GTF2E2: variants seen among roughly 807,000 people sequenced by gnomAD.
GTF2E2 encodes the protein transcription initiation factor IIE subunit beta.
GTF2E2 carries 21 observed loss-of-function variants against 40.5 expected under a neutral mutation model. The observed-to-expected ratio is 0.52, with a 90% confidence interval of 0.37 to 0.75. The LOEUF is 0.75. GTF2E2 is among the 30% of genes least tolerant of loss of function. The pLI is 0.00. For missense variants in GTF2E2, 298 were observed against 338.4 expected (o/e 0.88, Z 0.94); for synonymous variants, 117 against 121.6 (o/e 0.96, Z 0.25).
At chr8:30,619,571 T>A (rs1199798479) in intron 3 of GTF2E2, among the ~76,000 whole-genome samples, 2 of 151,952 alleles carry the variant, frequency 1.3e-5, no homozygotes, top group East Asian at 3.9e-4. Flanking sequence ...GTATTTTTAG[T>A]AGAGACGGGG....
intron 3 of GTF2E2, 45 bp downstream of exon 3, chr8:30,634,987 C>A: frequency 9.3e-7 from 1 of 1,072,726 alleles, no homozygotes; most frequent in Non-Finnish European, 1.4e-6. Flanking sequence ...CCTTCTTTTG[C>A]CAAAAAGTTA....
chr8:30,618,638 C>A (rs907906423), intron 3 of GTF2E2, among the ~76,000 whole-genome samples: 13 of 152,110 alleles, frequency 8.5e-5, no homozygotes, highest in African/African-American at 3.1e-4. Flanking sequence ...TTACAAATTT[C>A]TCCTTACAAA....
At chr8:30,591,250 C>A (rs919278527) in intron 6 of GTF2E2, among the ~76,000 whole-genome samples, 3 of 152,140 alleles carry the variant, frequency 2.0e-5, no homozygotes, top group African/African-American at 7.2e-5. Context: ...CTTTGAAAGG[C>A]CACGGCAGGA....
At chr8:30,613,718 T>TA (rs1318200983) in intron 4 of GTF2E2, among the ~76,000 whole-genome samples, 1 of 152,176 alleles carries the variant, frequency 6.6e-6, no homozygotes, top group Non-Finnish European at 1.5e-5. Context: ...TTTTGCTTGG[T>TA]AAAAAAATAA....
chr8:30,631,885 ATC>A (rs1801446828), intron 3 of GTF2E2, among the ~76,000 whole-genome samples: 1 of 152,156 alleles, frequency 6.6e-6, no homozygotes, highest in Non-Finnish European at 1.5e-5. Flanking sequence ...CACTTGAGGG[ATC>A]CCCTGAGCCC....
intron 6 of GTF2E2, among the ~76,000 whole-genome samples, chr8:30,585,498 G>A (rs1049025670): frequency 6.6e-6 from 1 of 151,956 alleles, no homozygotes; most frequent in Non-Finnish European, 1.5e-5. Flanking sequence ...TAAATACATC[G>A]TAAAGATGTG....
chr8:30,586,668 G>A (rs1038778874), intron 6 of GTF2E2, among the ~76,000 whole-genome samples: 2 of 152,156 alleles, frequency 1.3e-5, no homozygotes, highest in South Asian at 2.1e-4. Flanking sequence ...AAAACAGCAT[G>A]GGACTGGCAT....
chr8:30,595,035 T>C (rs1028776289), intron 6 of GTF2E2, among the ~76,000 whole-genome samples: 1 of 152,218 alleles, frequency 6.6e-6, no homozygotes. Flanking sequence ...TGTCTCCGTG[T>C]TCATTTAGAT....
intron 2 of GTF2E2, among the ~76,000 whole-genome samples, chr8:30,635,537 C>T (rs1395471586): frequency 1.3e-5 from 2 of 152,054 alleles, no homozygotes; most frequent in East Asian, 3.9e-4. Flanking sequence ...TGCACACCAC[C>T]ATGCCTGGCT....
At chr8:30,614,742 A>C in intron 3 of GTF2E2, 27 bp from the exon 4 acceptor site, 1 of 1,333,430 alleles carries the variant, frequency 7.5e-7, no homozygotes, top group Non-Finnish European at 1.1e-6. Flanking sequence ...TTGTTATTAG[A>C]AGACAGTTTC....
chr8:30,634,715 T>C (rs193163631), intron 3 of GTF2E2, among the ~76,000 whole-genome samples: 404 of 152,292 alleles, frequency 2.7e-3, no homozygotes, highest in African/African-American at 9.3e-3. Context: ...CATCCTCCCA[T>C]TGGTTTTGCC....
intron 6 of GTF2E2, among the ~76,000 whole-genome samples, chr8:30,586,764 A>G (rs1469151288): frequency 6.6e-6 from 1 of 152,220 alleles, no homozygotes; most frequent in Non-Finnish European, 1.5e-5. Context: ...GGAAAAGGAC[A>G]GTCTCTTCAA....
intron 3 of GTF2E2, among the ~76,000 whole-genome samples, chr8:30,631,023 C>G (rs1386821759): frequency 4.6e-5 from 7 of 151,894 alleles, no homozygotes; most frequent in Non-Finnish European, 8.8e-5. Context: ...ATATTTTTTT[C>G]AAGAATTCTT....
At chr8:30,584,531 ACT>A (rs544091180) in intron 6 of GTF2E2, 3 of 152,242 alleles carry the variant, frequency 2.0e-5, no homozygotes, top group Admixed American at 2.0e-4. Flanking sequence ...TTAGAAATCT[ACT>A]CTCTTAGCAG....
rs1481661181 is a variant in GTF2E2, at chr8:30,597,221, G to A, written c.643+9836C>T. On this transcript the variant is annotated intron_variant, in intron 6 of 7. Coordinates refer to ENST00000355904, the MANE Select transcript of GTF2E2 (RefSeq NM_002095.6). ...CATATTCCTGTCCCTCGCCAAGGACGAAAGACTTTTTTTCTGTTCTCTTTC... is the reference window on the plus strand; with the variant it reads ...CATATTCCTGTCCCTCGCCAAGGACAAAAGACTTTTTTTCTGTTCTCTTTC... The A allele has an allele frequency of 3.9e-5, 6 of 152,344 alleles. No individual in the cohort carries two copies. The South Asian group carries it at 6.2e-4, about 16-fold the overall frequency. 9.4% of individuals were successfully genotyped at this position (152,344 alleles called of 1,614,324 possible).
chr8:30,651,971 G>A (rs972273457), intron 2 of GTF2E2, among the ~76,000 whole-genome samples: 2 of 152,102 alleles, frequency 1.3e-5, no homozygotes, highest in African/African-American at 2.4e-5. Flanking sequence ...TTCAACAGGG[G>A]AAAGATCATC....
intron 3 of GTF2E2, among the ~76,000 whole-genome samples, chr8:30,624,808 TTGTC>T (rs1231129966): frequency 1.3e-5 from 2 of 152,018 alleles, no homozygotes; most frequent in Non-Finnish European, 1.5e-5. Context: ...ATTTGGCTGT[TTGTC>T]TGTTACTGGT....
intron 3 of GTF2E2, among the ~76,000 whole-genome samples, chr8:30,621,469 T>G (rs377260630): frequency 6.6e-6 from 1 of 152,064 alleles, no homozygotes; most frequent in East Asian, 1.9e-4. Flanking sequence ...CCCTTCCTCA[T>G]AGATCAGGAA....
chr8:30,612,672 C>G (rs1214861356), intron 4 of GTF2E2, among the ~76,000 whole-genome samples, 191 bp from the exon 5 acceptor site: 1 of 152,114 alleles, frequency 6.6e-6, no homozygotes, highest in Non-Finnish European at 1.5e-5. Flanking sequence ...CCCTCCCTCT[C>G]AGCACCTGGG....
Sources: allele counts gnomAD v4.1 joint callset (sites outside exome capture counted in the v4.1 genomes callset), GRCh38; gene constraint gnomAD v4.1.1; transcripts MANE v1.5; gene names NCBI Gene and HGNC (gene_info 2026-07-23, HGNC 2026-07-21).